Variants in STX8 observed in about 807,000 individuals in gnomAD.
The protein encoded by STX8 is syntaxin 8.
A neutral mutation model predicts 37.5 loss-of-function variants in STX8; 23 were observed. That is an observed-to-expected ratio of 0.61 (90% CI 0.44 to 0.87). The LOEUF (loss-of-function observed/expected upper bound fraction) is 0.87, where lower values mean the gene tolerates loss of function less well. Ranked by LOEUF, STX8 falls within the 40% of genes least tolerant of loss-of-function variation. The pLI is 0.00. For synonymous variants in STX8, 115 were observed against 99.1 expected (o/e 1.16, Z -0.95); for missense variants, 313 against 284.7 (o/e 1.10, Z -0.71).
At chr17:9,458,415 C>T (rs954733541) in intron 6 of STX8, among the ~76,000 whole-genome samples, 2 of 152,208 alleles carry the variant, frequency 1.3e-5, no homozygotes, top group Non-Finnish European at 2.9e-5. Flanking sequence ...TCCCAAAGTG[C>T]TGGGATTACA....
chr17:9,442,533 A>G (rs1406530923), intron 6 of STX8, among the ~76,000 whole-genome samples: 2 of 152,094 alleles, frequency 1.3e-5, no homozygotes, highest in Non-Finnish European at 2.9e-5. Flanking sequence ...CAGCCTCTCA[A>G]GTAGCTGGGA....
At chr17:9,277,043 G>C (rs546355072) in intron 7 of STX8, among the ~76,000 whole-genome samples, 5 of 150,662 alleles carry the variant, frequency 3.3e-5, no homozygotes, top group Admixed American at 1.3e-4. Context: ...GAACTCTTGG[G>C]CTCAAACGAT....
At chr17:9,313,452 C>T (rs1909265631) in intron 7 of STX8, among the ~76,000 whole-genome samples, 1 of 152,214 alleles carries the variant, frequency 6.6e-6, no homozygotes, top group African/African-American at 2.4e-5. Context: ...AATAATCCAA[C>T]AGGACAGTTC....
rs531389625 is a variant in STX8, at chr17:9,512,199, T to C, written c.324-7037A>G. Among the ~76,000 whole-genome samples, 5 of 152,202 alleles carry C rather than the reference T, an allele frequency of 3.3e-5. No homozygotes were observed. In the South Asian group the frequency reaches 1.0e-3, roughly 32 times the overall value. On this transcript the variant is annotated intron_variant, in intron 4 of 7. Coordinates refer to ENST00000306357, the MANE Select transcript of STX8 (RefSeq NM_004853.3). ...ATCTACAGATTCAATGCAATCTCTA[T>C]CAAAATACCAATAACATTCTTCACA...
chr17:9,294,409 G>C (rs546385405), intron 7 of STX8, among the ~76,000 whole-genome samples: 2 of 152,366 alleles, frequency 1.3e-5, no homozygotes, highest in South Asian at 4.1e-4. Flanking sequence ...TGAAAGAGAA[G>C]ATTCCTGCAT....
intron 7 of STX8, among the ~76,000 whole-genome samples, chr17:9,376,052 G>A (rs370038653): frequency 2.0e-4 from 31 of 152,202 alleles, no homozygotes; most frequent in East Asian, 1.2e-3. Context: ...CAAATTCTCC[G>A]CTTTCTTATA....
chr17:9,568,605 A>G, intron 1 of STX8, 135 bp from the exon 2 acceptor site: 1 of 607,836 alleles, frequency 1.6e-6, no homozygotes, highest in Non-Finnish European at 2.7e-6. Context: ...GGTTCGCACC[A>G]TTCTCCTGCC....
intron 5 of STX8, among the ~76,000 whole-genome samples, chr17:9,492,128 T>C (rs1257157019): frequency 3.3e-5 from 5 of 152,134 alleles, no homozygotes; most frequent in African/African-American, 1.2e-4. Context: ...AATTAAGATT[T>C]TAAATATGAA....
intron 6 of STX8, among the ~76,000 whole-genome samples, chr17:9,428,466 T>G (rs985271468): frequency 7.9e-5 from 12 of 152,190 alleles, no homozygotes; most frequent in Non-Finnish European, 1.6e-4. Context: ...GGTCTTGATC[T>G]CCTGACCTTG....
At chr17:9,349,102 C>T (rs1910620051) in intron 7 of STX8, among the ~76,000 whole-genome samples, 1 of 152,062 alleles carries the variant, frequency 6.6e-6, no homozygotes, top group Admixed American at 6.6e-5. Context: ...AGTGATTCTC[C>T]TGCCTCAGCC....
chr17:9,492,919 C>A (rs1906916663), intron 5 of STX8, among the ~76,000 whole-genome samples: 1 of 152,080 alleles, frequency 6.6e-6, no homozygotes. Flanking sequence ...CAAAGTGAAA[C>A]CCCGTCTCTA....
At chr17:9,508,434 C>G (rs1904913846) in intron 4 of STX8, among the ~76,000 whole-genome samples, 1 of 152,194 alleles carries the variant, frequency 6.6e-6, no homozygotes, top group East Asian at 1.9e-4. Flanking sequence ...TCAAGTGATT[C>G]TCCCTCCTCA....
At chr17:9,325,298 T>A (rs962014679) in intron 7 of STX8, among the ~76,000 whole-genome samples, 1 of 152,208 alleles carries the variant, frequency 6.6e-6, no homozygotes, top group South Asian at 2.1e-4. Flanking sequence ...AAGTTGTGAA[T>A]AGGAATAAAC....
intron 4 of STX8, among the ~76,000 whole-genome samples, chr17:9,543,234 TATTAATTTCTTG>T (rs935728843): frequency 1.3e-5 from 2 of 152,066 alleles, no homozygotes; most frequent in African/African-American, 4.8e-5. Flanking sequence ...CCTATGTCCT[TATTAATTTCTTG>T]ACTAAAAAGA....
In STX8 at chr17:9,547,627, CAAA is replaced by C; in HGVS notation, c.213-2348_213-2346del. 5.6e-5 allele frequency among the ~76,000 whole-genome samples: 3 copies of C among 53,296 alleles called. No homozygotes were observed. The South Asian group carries it at 3.0e-3, about 53-fold the overall frequency. The allele number at this position is 53,296 out of a possible 152,430, so 35.0% of individuals were successfully genotyped here. A position where few individuals can be genotyped will look rare whatever the true frequency, so the allele number is the denominator to read the frequency against. On this transcript the variant is annotated intron_variant, in intron 3 of 7. Transcript: ENST00000306357. Reference sequence around the variant, plus strand: ...TGGGTGACAGAGCAAGACTCCGTCTCAAAAAAAAAAAAGAAAAAAGAAAAGAAA... The same window carrying C: ...TGGGTGACAGAGCAAGACTCCGTCTCAAAAAAAAAGAAAAAAGAAAAGAAA...
chr17:9,550,822 C>A (rs986446966), intron 3 of STX8, among the ~76,000 whole-genome samples: 2 of 152,180 alleles, frequency 1.3e-5, no homozygotes, highest in African/African-American at 4.8e-5. Flanking sequence ...CACCTGTAAT[C>A]CCAGCACTTT....
intron 6 of STX8, among the ~76,000 whole-genome samples, chr17:9,438,955 A>C (rs1194926508): frequency 6.6e-6 from 1 of 152,154 alleles, no homozygotes. Context: ...ACAACAAAAA[A>C]AACCATAGTC....
Position 9,466,031 on chromosome 17 carries a change from C to T in STX8, c.541+25798G>A, listed in dbSNP as rs574653853. Among the ~76,000 whole-genome samples, 118 of 151,950 alleles carry T rather than the reference C, an allele frequency of 7.8e-4. 1 individual carries two copies. The highest frequency in any genetic ancestry group is 3.3e-3 in the East Asian group (17 of 5,152). Reference sequence around the variant, plus strand: ...TGTTGCCCAGGCTGGAGTGCACTGGCGCAATCTCGGCTCACTGCAACCTCT... The same window carrying T: ...TGTTGCCCAGGCTGGAGTGCACTGGTGCAATCTCGGCTCACTGCAACCTCT... On this transcript the variant is annotated intron_variant, in intron 6 of 7. Coordinates refer to ENST00000306357, the MANE Select transcript of STX8 (RefSeq NM_004853.3).
chr17:9,387,359 G>A (rs937624359), intron 6 of STX8, among the ~76,000 whole-genome samples: 1 of 151,914 alleles, frequency 6.6e-6, no homozygotes, highest in South Asian at 2.1e-4. Flanking sequence ...GCAGTGGCAC[G>A]ATCTCGGCTC....
Sources: gnomAD v4.1 joint callset for allele counts (sites outside exome capture counted in the v4.1 genomes callset) on GRCh38, gnomAD v4.1.1 for gene constraint, MANE v1.5 for transcripts, NCBI Gene and HGNC (gene_info 2026-07-23, HGNC 2026-07-21) for gene names.